Variants in DOK6 observed in about 807,000 individuals in gnomAD.
The protein encoded by DOK6 is downstream of tyrosine kinase 6.
A neutral mutation model predicts 44.0 loss-of-function variants in DOK6; 22 were observed. The observed-to-expected ratio is 0.50, with a 90% CI of 0.36 to 0.71. The LOEUF (loss-of-function observed/expected upper bound fraction) is 0.71, where lower values mean the gene tolerates loss of function less well. Among genes scored for constraint, DOK6 ranks in the 30% least tolerant of loss-of-function variants. DOK6 has a pLI of 0.00. For missense variants in DOK6, 340 were observed against 416.4 expected, an observed-to-expected ratio of 0.82 and a Z score of 1.60; for synonymous variants, 166 against 145.5, an observed-to-expected ratio of 1.14 and a Z score of -1.01.
chr18:69,570,486 T>A (rs976080073), intron 2 of DOK6, among the ~76,000 whole-genome samples: 1 of 151,964 alleles, frequency 6.6e-6, no homozygotes, highest in Non-Finnish European at 1.5e-5. Context: ...AGTATTCCCA[T>A]TGCAAAGAAA....
chr18:69,535,168 A>G (rs996255690), intron 1 of DOK6, among the ~76,000 whole-genome samples: 5 of 152,104 alleles, frequency 3.3e-5, no homozygotes, highest in Admixed American at 2.6e-4. Flanking sequence ...AATGTGAATC[A>G]CCGTACGTTG....
At chr18:69,506,814 A>G (rs577819801) in intron 1 of DOK6, among the ~76,000 whole-genome samples, 32 of 151,964 alleles carry the variant, frequency 2.1e-4, no homozygotes, top group Non-Finnish European at 4.0e-4. Flanking sequence ...AAAAACTGCT[A>G]AAGTTTTCCT....
intron 1 of DOK6, among the ~76,000 whole-genome samples, chr18:69,412,542 A>G (rs1442621654): frequency 6.6e-6 from 1 of 151,876 alleles, no homozygotes; most frequent in African/African-American, 2.4e-5. Context: ...GTGATTCTAG[A>G]ATAAATGAAG....
At chr18:69,698,341 G>GT in intron 4 of DOK6, 63 bp from the exon 5 acceptor site, 1 of 1,430,438 alleles carries the variant, frequency 7.0e-7, no homozygotes, top group Admixed American at 2.1e-5. Flanking sequence ...AATTAATATC[G>GT]TATGGCCATA....
intron 1 of DOK6, among the ~76,000 whole-genome samples, chr18:69,444,183 G>A (rs951837130): frequency 1.3e-5 from 2 of 152,146 alleles, no homozygotes; most frequent in African/African-American, 4.8e-5. Flanking sequence ...GGAGGATCAA[G>A]TACAGTAGGC....
intron 7 of DOK6, among the ~76,000 whole-genome samples, chr18:69,813,872 A>G (rs1784619368): frequency 6.6e-6 from 1 of 152,214 alleles, no homozygotes; most frequent in South Asian, 2.1e-4. Context: ...TCCGAGTGCT[A>G]AGTAGGAACA....
At chr18:69,598,105 T>A (rs960058236) in intron 2 of DOK6, among the ~76,000 whole-genome samples, 2 of 152,066 alleles carry the variant, frequency 1.3e-5, no homozygotes, top group African/African-American at 2.4e-5. Flanking sequence ...CTTAGTCTAG[T>A]CTACATAGTG....
At chr18:69,608,392 G>A (rs1984051609) in intron 3 of DOK6, among the ~76,000 whole-genome samples, 1 of 152,152 alleles carries the variant, frequency 6.6e-6, no homozygotes, top group African/African-American at 2.4e-5. Context: ...GTATTAAACT[G>A]TTTTGATTAT....
At chr18:69,680,917 C>T (rs1361848979) in intron 4 of DOK6, among the ~76,000 whole-genome samples, 1 of 148,368 alleles carries the variant, frequency 6.7e-6, no homozygotes, top group Non-Finnish European at 1.5e-5. Context: ...ACTTTTAAAG[C>T]TGTCATTTCA....
chr18:69,777,021 T>C (rs1980091736), intron 7 of DOK6, among the ~76,000 whole-genome samples: 1 of 146,508 alleles, frequency 6.8e-6, no homozygotes, highest in Admixed American at 6.8e-5. Flanking sequence ...AGGGATAGCA[T>C]TAGGAGGTAT....
At chr18:69,532,249 T>C (rs1010114194) in intron 1 of DOK6, among the ~76,000 whole-genome samples, 1 of 152,218 alleles carries the variant, frequency 6.6e-6, no homozygotes, top group Non-Finnish European at 1.5e-5. Context: ...CTCTGGTCCC[T>C]TCTCCCGGTT....
At chr18:69,788,442 T>C (rs1980498352) in intron 7 of DOK6, among the ~76,000 whole-genome samples, 1 of 152,158 alleles carries the variant, frequency 6.6e-6, no homozygotes, top group African/African-American at 2.4e-5. Flanking sequence ...TGAGAAGAAA[T>C]TAGAGGGTTC....
chr18:69,563,713 A>C (rs1427257189), intron 1 of DOK6, among the ~76,000 whole-genome samples: 1 of 151,808 alleles, frequency 6.6e-6, no homozygotes, highest in Non-Finnish European at 1.5e-5. Flanking sequence ...ATGACGAGTT[A>C]ATGGGTGCAG....
chr18:69,720,638 T>A (rs1986986074), intron 5 of DOK6, among the ~76,000 whole-genome samples: 1 of 152,200 alleles, frequency 6.6e-6, no homozygotes, highest in Admixed American at 6.5e-5. Flanking sequence ...TTTTATCTAA[T>A]CAAATAGTCA....
intron 7 of DOK6, among the ~76,000 whole-genome samples, chr18:69,836,277 T>C (rs1316365622): frequency 1.3e-5 from 2 of 152,148 alleles, no homozygotes; most frequent in East Asian, 3.9e-4. Flanking sequence ...TGTGTGATAC[T>C]CTTGAGTTCC....
At chr18:69,510,184 G>A (rs150377434) in intron 1 of DOK6, among the ~76,000 whole-genome samples, 2 of 152,266 alleles carry the variant, frequency 1.3e-5, no homozygotes, top group African/African-American at 4.8e-5. Context: ...TTCTTATTAA[G>A]CACAGAGAGC....
chr18:69,729,575 C>T (rs1978340072), intron 5 of DOK6, among the ~76,000 whole-genome samples: 1 of 151,970 alleles, frequency 6.6e-6, no homozygotes, highest in Non-Finnish European at 1.5e-5. Context: ...ATTCCATTCC[C>T]AAAATGAGGT....
At chr18:69,586,781 T>C (rs1448953754) in intron 2 of DOK6, among the ~76,000 whole-genome samples, 1 of 152,156 alleles carries the variant, frequency 6.6e-6, no homozygotes, top group Non-Finnish European at 1.5e-5. Context: ...GGGGCCCCGA[T>C]ACTGACAGGG....
chr18:69,508,016 T>G (rs144229692), intron 1 of DOK6, among the ~76,000 whole-genome samples: 1 of 152,340 alleles, frequency 6.6e-6, no homozygotes, highest in East Asian at 1.9e-4. Flanking sequence ...TTATAGAGGC[T>G]ATATGTCAGA....
Sources: gnomAD v4.1 joint callset for allele counts (sites outside exome capture counted in the v4.1 genomes callset) on GRCh38, gnomAD v4.1.1 for gene constraint, MANE v1.5 for transcripts, NCBI Gene and HGNC (gene_info 2026-07-23, HGNC 2026-07-21) for gene names.